NALCN: variants seen among roughly 807,000 people sequenced by gnomAD.
The protein encoded by NALCN is sodium leak channel, non-selective, also known as sodium leak channel NALCN.
Under a neutral mutation model 225.3 loss-of-function variants are expected in NALCN, and 111 were observed. The ratio of observed to expected loss-of-function variants is 0.49; its 90% CI spans 0.42 to 0.58. NALCN has a LOEUF of 0.58. Among genes scored for constraint, NALCN ranks in the 20% least tolerant of loss-of-function variants. The pLI is 0.00. For missense variants in NALCN, 1,378 were observed against 2,202.4 expected, an observed-to-expected ratio of 0.63 and a Z score of 7.49; for synonymous variants, 764 against 769.0, an observed-to-expected ratio of 0.99 and a Z score of 0.11.
intron 25 of NALCN, among the ~76,000 whole-genome samples, chr13:101,103,598 T>TC (rs2034944352): frequency 6.6e-6 from 1 of 152,284 alleles, no homozygotes; most frequent in African/African-American, 2.4e-5. Context: ...GCGTTCTGCC[T>TC]CTTCTTTTAA....
intron 3 of NALCN, 69 bp from the exon 4 acceptor site, chr13:101,378,722 A>G: frequency 3.1e-6 from 4 of 1,279,528 alleles, no homozygotes; most frequent in Non-Finnish European, 4.4e-6. Flanking sequence ...GTGGAGGAAA[A>G]TGTCAAATAT....
chr13:101,258,664 G>A, intron 10 of NALCN, 90 bp from the exon 11 acceptor site: 1 of 1,548,998 alleles, frequency 6.5e-7, no homozygotes, highest in Non-Finnish European at 8.8e-7. Flanking sequence ...CAGCACCTTT[G>A]TGATGTGCTG....
intron 7 of NALCN, among the ~76,000 whole-genome samples, chr13:101,312,643 T>C (rs1299952154): frequency 6.6e-6 from 1 of 152,216 alleles, no homozygotes; most frequent in Admixed American, 6.5e-5. Context: ...AGGAGCAGGT[T>C]GTTCAGTTTC....
At chr13:101,283,154 G>C (rs2043223074) in intron 10 of NALCN, among the ~76,000 whole-genome samples, 1 of 152,116 alleles carries the variant, frequency 6.6e-6, no homozygotes, top group Non-Finnish European at 1.5e-5. Context: ...CTGCTTGGAG[G>C]GAAAATGAAA....
At chr13:101,348,820 T>C (rs759003268) in intron 6 of NALCN, among the ~76,000 whole-genome samples, 1 of 152,186 alleles carries the variant, frequency 6.6e-6, no homozygotes, top group Non-Finnish European at 1.5e-5. Flanking sequence ...ATTAGAAGAT[T>C]AATTGCCCTG....
intron 2 of NALCN, among the ~76,000 whole-genome samples, chr13:101,397,066 T>TTTTA (rs1491530959): frequency 8.0e-4 from 45 of 56,384 alleles, no homozygotes; most frequent in Non-Finnish European, 8.4e-4. Context: ...TATGAATGTA[T>TTTTA]TATATATATA....
intron 15 of NALCN, among the ~76,000 whole-genome samples, chr13:101,152,126 C>T (rs540166611): frequency 1.1e-4 from 17 of 152,212 alleles, no homozygotes; most frequent in African/African-American, 3.4e-4. Flanking sequence ...TTGGACGCAT[C>T]GACTGAAGCC....
At chr13:101,189,987 A>G (rs1398320290) in intron 14 of NALCN, among the ~76,000 whole-genome samples, 1 of 152,166 alleles carries the variant, frequency 6.6e-6, no homozygotes, top group African/African-American at 2.4e-5. Flanking sequence ...GAAGATTTAG[A>G]TTGCCCAAGA....
intron 18 of NALCN, among the ~76,000 whole-genome samples, chr13:101,114,590 G>T (rs144698956): frequency 9.9e-5 from 15 of 152,172 alleles, no homozygotes; most frequent in Admixed American, 6.5e-4. Flanking sequence ...CACAGCTCAC[G>T]AGGAACTGAA....
chr13:101,401,314 G>A (rs902828578), intron 1 of NALCN, among the ~76,000 whole-genome samples: 1 of 152,166 alleles, frequency 6.6e-6, no homozygotes, highest in South Asian at 2.1e-4. Flanking sequence ...TGATGTACTG[G>A]TAGTGGGGAA....
At chr13:101,121,811 G>A (rs893853407) in intron 18 of NALCN, among the ~76,000 whole-genome samples, 1 of 152,090 alleles carries the variant, frequency 6.6e-6, no homozygotes, top group Non-Finnish European at 1.5e-5. Flanking sequence ...GAGTTTAATC[G>A]ACAGCAAGGT....
intron 13 of NALCN, among the ~76,000 whole-genome samples, chr13:101,199,477 T>C (rs1251585538): frequency 1.3e-5 from 2 of 151,408 alleles, no homozygotes; most frequent in African/African-American, 2.4e-5. Flanking sequence ...CCATAAAAAA[T>C]GATGAGTTCA....
chr13:101,293,766 A>G (rs559086648), intron 7 of NALCN, among the ~76,000 whole-genome samples: 1 of 152,374 alleles, frequency 6.6e-6, no homozygotes, highest in South Asian at 2.1e-4. Flanking sequence ...GAGGCTGGAA[A>G]GAAAAGCTAA....
Position 101,055,250 on chromosome 13 carries a change from G to C in NALCN, c.*45C>G, listed in dbSNP as rs1444924426. ...CACTGGACAATCAAGGACATTATTA[G>C]AAAACGGTTTCCACCACTAGAAATT... On this transcript the variant is annotated 3_prime_UTR_variant, in exon 44 of 44. Transcript: ENST00000251127. 2 of 1,496,574 alleles carry C rather than the reference G, an allele frequency of 1.3e-6. No individual in the cohort carries two copies. Among genetic ancestry groups the C allele is most frequent in the East Asian group, 4.5e-5 (2 of 44,018 alleles). 92.7% of individuals were successfully genotyped at this position (1,496,574 alleles called of 1,614,324 possible). A position where few individuals can be genotyped will look rare whatever the true frequency, so the allele number is the denominator to read the frequency against.
intron 43 of NALCN, 89 bp from the exon 44 acceptor site, chr13:101,055,577 A>T (rs1368448980): frequency 5.1e-6 from 6 of 1,184,762 alleles, no homozygotes; most frequent in Non-Finnish European, 7.1e-6. Flanking sequence ...CCCATCAGTG[A>T]TACTTTTGGC....
rs71200724 is a variant in NALCN, at chr13:101,180,204, C to CTTTTTTTTTT, written c.1765-3840_1765-3831dup. Among the ~76,000 whole-genome samples the CTTTTTTTTTT allele has an allele frequency of 7.3e-5, 8 of 109,970 alleles. 1 individual carries two copies. Among genetic ancestry groups the CTTTTTTTTTT allele is most frequent in the Non-Finnish European group, 1.1e-4 (6 of 53,190 alleles). The allele number at this position is 109,970 out of a possible 152,430, so 72.1% of individuals were successfully genotyped here. A position where few individuals can be genotyped will look rare whatever the true frequency, so the allele number is the denominator to read the frequency against. On this transcript the variant is annotated intron_variant, in intron 14 of 43. Transcript: ENST00000251127. ...TAATCCACTATACTCTCCACCTGGT[C>CTTTTTTTTTT]TTTTTTTTTTTTTTTTTTTTGAGAC...
intron 9 of NALCN, among the ~76,000 whole-genome samples, chr13:101,288,273 G>T (rs72654807): frequency 0.012 from 1,752 of 152,224 alleles, 27 homozygotes; most frequent in Non-Finnish European, 0.013. Flanking sequence ...TAATTGAATT[G>T]TTTTCTCACA....
intron 17 of NALCN, among the ~76,000 whole-genome samples, chr13:101,127,837 T>C (rs2036311100): frequency 6.6e-6 from 1 of 152,234 alleles, no homozygotes; most frequent in Admixed American, 6.5e-5. Flanking sequence ...AGTTATTCCC[T>C]TCTTTTTTCT....
At chr13:101,264,408 G>A (rs2042530878) in intron 10 of NALCN, among the ~76,000 whole-genome samples, 1 of 151,800 alleles carries the variant, frequency 6.6e-6, no homozygotes, top group Non-Finnish European at 1.5e-5. Context: ...ATGACAGCTG[G>A]AATTTTCAAA....
Sources: allele counts gnomAD v4.1 joint callset (sites outside exome capture counted in the v4.1 genomes callset), GRCh38; gene constraint gnomAD v4.1.1; transcripts MANE v1.5; gene names NCBI Gene and HGNC (gene_info 2026-07-23, HGNC 2026-07-21).